ST3GAL3: variants seen among roughly 807,000 people sequenced by gnomAD.
The protein encoded by ST3GAL3 is ST3 beta-galactoside alpha-2,3-sialyltransferase 3.
ST3GAL3 carries 21 observed loss-of-function variants against 50.1 expected under a neutral mutation model. The ratio of observed to expected loss-of-function variants is 0.42; its 90% CI spans 0.30 to 0.60. The LOEUF (loss-of-function observed/expected upper bound fraction) is 0.60. Ranked by LOEUF, ST3GAL3 falls within the 20% of genes least tolerant of loss-of-function variation. The probability of loss-of-function intolerance (pLI) is 0.19; values close to 1 mark genes in which losing one functional copy is unlikely to be tolerated. For synonymous variants in ST3GAL3, 183 were observed against 190.0 expected, an observed-to-expected ratio of 0.96 and a Z score of 0.30; for missense variants, 353 against 489.4, an observed-to-expected ratio of 0.72 and a Z score of 2.63.
At chr1:43,912,441 T>C (rs2081094312) in intron 9 of ST3GAL3, 1 of 152,104 alleles carries the variant, frequency 6.6e-6, no homozygotes, top group African/African-American at 2.4e-5. Flanking sequence ...CAACACAAGC[T>C]GTTGCAGTGG....
chr1:43,710,345 G>T (rs1349217751), intron 1 of ST3GAL3, among the ~76,000 whole-genome samples: 1 of 152,168 alleles, frequency 6.6e-6, no homozygotes, highest in Non-Finnish European at 1.5e-5. Flanking sequence ...GCCTCCCAAA[G>T]TGCTGGGATT....
Position 43,814,899 on chromosome 1 carries a change from CG to C in ST3GAL3, c.177del (p.Leu60TrpfsTer5). On this transcript the variant is annotated frameshift_variant, in exon 4 of 12. Coordinates refer to ENST00000347631, the MANE Select transcript of ST3GAL3 (RefSeq NM_006279.5). LOFTEE classifies it high-confidence loss of function. ...AGQTLGSEYD[R>X]LGFLLNLDSK... is the part of the protein sequence containing the mutation. ...CTGCTTTTCTTTTTCAGAGTATGAT[CG>C]GTTGGGCTTCCTCCTGAATCTGGAC... 1 of 1,614,056 alleles carries C rather than the reference CG, an allele frequency of 6.2e-7. No homozygotes were observed. The highest frequency in any genetic ancestry group is 8.5e-7 in the Non-Finnish European group (1 of 1,180,006).
At chr1:43,742,133 A>G (rs1681194612) in intron 2 of ST3GAL3, among the ~76,000 whole-genome samples, 2 of 152,160 alleles carry the variant, frequency 1.3e-5, no homozygotes, top group Non-Finnish European at 2.9e-5. Flanking sequence ...GAAAAGAGAT[A>G]CTGGAGGTCA....
intron 2 of ST3GAL3, among the ~76,000 whole-genome samples, chr1:43,782,669 TA>T (rs1280300012): frequency 3.9e-5 from 6 of 152,226 alleles, no homozygotes; most frequent in African/African-American, 1.4e-4. Context: ...CAGCAGCATG[TA>T]TTGAGGACTT....
intron 9 of ST3GAL3, among the ~76,000 whole-genome samples, chr1:43,917,382 CTAT>C (rs1372348276): frequency 7.4e-6 from 1 of 135,592 alleles, no homozygotes; most frequent in African/African-American, 2.8e-5. Flanking sequence ...GCATTTCTTA[CTAT>C]TTGTGACAAA....
chr1:43,733,527 G>A (rs902081819), intron 1 of ST3GAL3, among the ~76,000 whole-genome samples: 4 of 152,220 alleles, frequency 2.6e-5, no homozygotes, highest in Admixed American at 1.3e-4. Context: ...TTCTCTATTT[G>A]AGATAACATA....
intron 2 of ST3GAL3, among the ~76,000 whole-genome samples, chr1:43,764,225 C>T: frequency 6.6e-6 from 1 of 152,082 alleles, no homozygotes; most frequent in East Asian, 1.9e-4. Context: ...TTTCAGAGCT[C>T]CTTTTCTCAG....
chr1:43,757,194 C>T (rs909661610), intron 2 of ST3GAL3, among the ~76,000 whole-genome samples: 7 of 152,086 alleles, frequency 4.6e-5, no homozygotes, highest in African/African-American at 9.7e-5. Flanking sequence ...CATGAAGCAC[C>T]GCACCTGGCC....
At chr1:43,857,742 A>G (rs1444557581) in intron 5 of ST3GAL3, among the ~76,000 whole-genome samples, 1 of 151,682 alleles carries the variant, frequency 6.6e-6, no homozygotes, top group Non-Finnish European at 1.5e-5. Flanking sequence ...CAGCCTCCCA[A>G]GTAGCTAGGA....
intron 2 of ST3GAL3, among the ~76,000 whole-genome samples, chr1:43,764,367 A>G (rs1691725606): frequency 6.6e-6 from 1 of 152,048 alleles, no homozygotes; most frequent in Non-Finnish European, 1.5e-5. Flanking sequence ...TGTATTTTTG[A>G]TTGGAAAATA....
chr1:43,919,851 T>G (rs1420919990), intron 9 of ST3GAL3: 1 of 178,340 alleles, frequency 5.6e-6, no homozygotes, highest in East Asian at 1.4e-4. Flanking sequence ...GGAGAGCTTG[T>G]TGCCCAGTCA....
At chr1:43,927,931 A>G (rs2084302973) in intron 11 of ST3GAL3, among the ~76,000 whole-genome samples, 1 of 152,136 alleles carries the variant, frequency 6.6e-6, no homozygotes, top group African/African-American at 2.4e-5. Flanking sequence ...GAGAGGGGGT[A>G]TGGGGGCACT....
At chr1:43,824,031 A>G (rs2062445810) in intron 4 of ST3GAL3, among the ~76,000 whole-genome samples, 1 of 152,218 alleles carries the variant, frequency 6.6e-6, no homozygotes, top group Non-Finnish European at 1.5e-5. Flanking sequence ...GGCAAGAACT[A>G]GGAATGTTCT....
intron 5 of ST3GAL3, among the ~76,000 whole-genome samples, chr1:43,892,338 G>A (rs750492524): frequency 1.8e-4 from 28 of 152,146 alleles, no homozygotes; most frequent in Admixed American, 3.9e-4. Flanking sequence ...CCTCACTGCA[G>A]CCTCAACCCC....
At chr1:43,792,249 A>G in intron 3 of ST3GAL3, 100 bp downstream of exon 3, 1 of 1,443,314 alleles carries the variant, frequency 6.9e-7, no homozygotes, top group Non-Finnish European at 9.8e-7. Flanking sequence ...AGGGCAGTGG[A>G]ATATCCCAGA....
intron 2 of ST3GAL3, among the ~76,000 whole-genome samples, chr1:43,770,327 C>A (rs1694669266): frequency 6.6e-6 from 1 of 151,356 alleles, no homozygotes; most frequent in African/African-American, 2.4e-5. Flanking sequence ...AGTGGACGGG[C>A]CTCAAGTTTT....
intron 2 of ST3GAL3, among the ~76,000 whole-genome samples, chr1:43,783,237 C>T (rs2154144200): frequency 6.6e-6 from 1 of 152,320 alleles, no homozygotes; most frequent in South Asian, 2.1e-4. Context: ...AGGTCCATGC[C>T]ACCTGCAGGT....
intron 3 of ST3GAL3, among the ~76,000 whole-genome samples, chr1:43,796,142 CCT>C: frequency 6.6e-6 from 1 of 152,334 alleles, no homozygotes; most frequent in South Asian, 2.1e-4. Context: ...GAGGAACTTT[CCT>C]CTCTGATCAG....
At chr1:43,819,975 C>T (rs1028105360) in intron 4 of ST3GAL3, among the ~76,000 whole-genome samples, 9 of 151,916 alleles carry the variant, frequency 5.9e-5, no homozygotes, top group East Asian at 3.9e-4. Flanking sequence ...AAAATGTATA[C>T]GAAACCAAAA....
Sources: gnomAD v4.1 joint callset for allele counts (sites outside exome capture counted in the v4.1 genomes callset) on GRCh38, gnomAD v4.1.1 for gene constraint, MANE v1.5 for transcripts, NCBI Gene and HGNC (gene_info 2026-07-23, HGNC 2026-07-21) for gene names.